Variants in PRKCE observed in about 807,000 individuals in gnomAD.
The protein encoded by PRKCE is protein kinase C epsilon type.
PRKCE carries 16 observed loss-of-function variants against 85.4 expected under a neutral mutation model. That is an observed-to-expected ratio of 0.19 (90% confidence interval 0.13 to 0.28). The LOEUF is 0.28. Ranked by LOEUF, PRKCE falls within the 10% of genes least tolerant of loss-of-function variation. The pLI, the probability that PRKCE is intolerant of heterozygous loss-of-function variation, is 1.00. For synonymous variants in PRKCE, 388 were observed against 371.5 expected, an observed-to-expected ratio of 1.04 and a Z score of -0.51; for missense variants, 573 against 975.2, an observed-to-expected ratio of 0.59 and a Z score of 5.49.
At chr2:45,718,131 AC>A (rs1388977522) in intron 1 of PRKCE, among the ~76,000 whole-genome samples, 2 of 152,138 alleles carry the variant, frequency 1.3e-5, no homozygotes, top group African/African-American at 4.8e-5. Flanking sequence ...AGGCTGTCTT[AC>A]GCATTTTAGG....
chr2:45,991,524 T>C (rs1000999357), intron 6 of PRKCE, among the ~76,000 whole-genome samples: 1 of 152,250 alleles, frequency 6.6e-6, no homozygotes, highest in African/African-American at 2.4e-5. Context: ...TGTACAGACA[T>C]CTACTTTACT....
chr2:45,797,533 G>T (rs1413282933), intron 1 of PRKCE, among the ~76,000 whole-genome samples: 1 of 152,188 alleles, frequency 6.6e-6, no homozygotes, highest in African/African-American at 2.4e-5. Flanking sequence ...CTTCTTGCAC[G>T]CACCAGGCTG....
At chr2:46,125,611 A>C (rs777849000) in intron 11 of PRKCE, among the ~76,000 whole-genome samples, 1 of 152,230 alleles carries the variant, frequency 6.6e-6, no homozygotes, top group Non-Finnish European at 1.5e-5. Context: ...GCCAAATTCA[A>C]CTGACTGATG....
At chr2:46,174,135 C>G (rs900143531) in intron 14 of PRKCE, among the ~76,000 whole-genome samples, 4 of 152,170 alleles carry the variant, frequency 2.6e-5, no homozygotes, top group Non-Finnish European at 5.9e-5. Flanking sequence ...AGTGTTTTAG[C>G]GAGGAAACCA....
intron 1 of PRKCE, among the ~76,000 whole-genome samples, chr2:45,782,587 A>G (rs925586817): frequency 2.6e-5 from 4 of 152,146 alleles, no homozygotes; most frequent in African/African-American, 9.7e-5. Flanking sequence ...GCAAGACCTA[A>G]GATAGAAAGC....
intron 14 of PRKCE, among the ~76,000 whole-genome samples, chr2:46,162,560 G>GA (rs1172529959): frequency 6.6e-6 from 1 of 152,174 alleles, no homozygotes; most frequent in Non-Finnish European, 1.5e-5. Flanking sequence ...GGGGTCAGGG[G>GA]AGAGGGTATT....
At chr2:45,873,868 C>T (rs895625818) in intron 2 of PRKCE, among the ~76,000 whole-genome samples, 3 of 152,266 alleles carry the variant, frequency 2.0e-5, no homozygotes, top group African/African-American at 7.2e-5. Flanking sequence ...AAAAAACCAA[C>T]TGAGTCTCTT....
In PRKCE at chr2:45,917,082, G is replaced by T. The variant is rs559001999; in HGVS notation, c.413-59347G>T. The stretch of plus-strand genomic sequence containing the variant: ...TTACCACTGCTGGCTCAGGCAGCCT[G>T]CTTTTATTCTCTTATCTGGCCCCAC... On this transcript the variant is annotated intron_variant, in intron 2 of 14. Coordinates refer to ENST00000306156, the MANE Select transcript of PRKCE (RefSeq NM_005400.3). Among the ~76,000 whole-genome samples, 22 of 152,272 alleles carry T rather than the reference G, an allele frequency of 1.4e-4. No individual in the cohort carries two copies. In the South Asian group the frequency reaches 4.1e-3, roughly 29 times the overall value.
intron 11 of PRKCE, among the ~76,000 whole-genome samples, chr2:46,100,890 A>G (rs1272820601): frequency 6.7e-6 from 1 of 149,424 alleles, no homozygotes; most frequent in Non-Finnish European, 1.5e-5. Flanking sequence ...TCTTTTCTTG[A>G]TGGGATCTCG....
At chr2:46,065,453 A>G (rs1667550365) in intron 10 of PRKCE, among the ~76,000 whole-genome samples, 1 of 152,112 alleles carries the variant, frequency 6.6e-6, no homozygotes, top group Non-Finnish European at 1.5e-5. Flanking sequence ...CCATCTTCTC[A>G]TTTGTCCGGT....
intron 1 of PRKCE, among the ~76,000 whole-genome samples, chr2:45,763,496 T>C (rs1461259831): frequency 1.3e-5 from 2 of 152,194 alleles, no homozygotes; most frequent in African/African-American, 4.8e-5. Flanking sequence ...CAGGAATTGT[T>C]AAGGCTTTGC....
At chr2:45,978,589 G>A (rs985896889) in intron 3 of PRKCE, 1 of 187,104 alleles carries the variant, frequency 5.3e-6, no homozygotes, top group African/African-American at 2.4e-5. Flanking sequence ...GGCCCACAGA[G>A]CGTGTCCTGG....
At chr2:45,789,445 T>C (rs1018910908) in intron 1 of PRKCE, among the ~76,000 whole-genome samples, 3 of 152,228 alleles carry the variant, frequency 2.0e-5, no homozygotes, top group Admixed American at 6.5e-5. Context: ...CTACAAAAAT[T>C]TTTTAAATCA....
chr2:46,128,306 A>G (rs4952802), intron 11 of PRKCE, among the ~76,000 whole-genome samples: 144,461 of 152,316 alleles, frequency 0.95, 68,593 homozygotes, highest in East Asian at 1. Context: ...TAATGAACTC[A>G]TGGTTTAAAT....
intron 1 of PRKCE, among the ~76,000 whole-genome samples, chr2:45,692,607 G>T (rs1677820455): frequency 6.6e-6 from 1 of 152,030 alleles, no homozygotes; most frequent in African/African-American, 2.4e-5. Context: ...AAAACCATTT[G>T]TCCTCAAGAT....
chr2:46,085,736 G>GTTTCT (rs1669544988), intron 10 of PRKCE, among the ~76,000 whole-genome samples: 1 of 104,564 alleles, frequency 9.6e-6, no homozygotes, highest in African/African-American at 4.4e-5. Flanking sequence ...TGCAAAATCC[G>GTTTCT]TTTTTTTTTT....
intron 1 of PRKCE, among the ~76,000 whole-genome samples, chr2:45,837,349 C>G (rs188150729): frequency 6.6e-6 from 1 of 152,314 alleles, no homozygotes; most frequent in Admixed American, 6.5e-5. Flanking sequence ...CTCCGCCTCC[C>G]AGGTTCAAGC....
At chr2:46,109,590 A>C (rs994076150) in intron 11 of PRKCE, among the ~76,000 whole-genome samples, 3 of 152,148 alleles carry the variant, frequency 2.0e-5, no homozygotes, top group African/African-American at 7.2e-5. Flanking sequence ...TATTAATTAC[A>C]GGAGTTTTTT....
At chr2:45,680,013 A>G (rs1041770572) in intron 1 of PRKCE, among the ~76,000 whole-genome samples, 2 of 152,230 alleles carry the variant, frequency 1.3e-5, no homozygotes, top group Non-Finnish European at 2.9e-5. Context: ...TTAGTAGAGC[A>G]TTTGAGGGAG....
Sources: gnomAD v4.1 joint callset for allele counts (sites outside exome capture counted in the v4.1 genomes callset) on GRCh38, gnomAD v4.1.1 for gene constraint, MANE v1.5 for transcripts, NCBI Gene and HGNC (gene_info 2026-07-23, HGNC 2026-07-21) for gene names.